The following PCSK5 variants were observed in gnomAD, a reference collection of about 807,000 sequenced individuals.
PCSK5 encodes the protein proprotein convertase subtilisin/kexin type 5.
A neutral mutation model predicts 233.2 loss-of-function variants in PCSK5; 129 were observed. That is an observed-to-expected ratio of 0.55 (90% CI 0.48 to 0.64). PCSK5 has a LOEUF of 0.64. Among genes scored for constraint, PCSK5 ranks in the 30% least tolerant of loss-of-function variants. The probability of loss-of-function intolerance (pLI) is 0.00; values close to 1 mark genes in which losing one functional copy is unlikely to be tolerated. For synonymous variants in PCSK5, 825 were observed against 879.2 expected, an observed-to-expected ratio of 0.94 and a Z score of 1.09; for missense variants, 2,076 against 2,430.1, an observed-to-expected ratio of 0.85 and a Z score of 3.06.
At position 76,351,628 on chromosome 9, in the gene PCSK5, AAGAG is replaced by A. The variant is rs1236227372; in HGVS notation, c.5067+706_5067+709del. On this transcript the variant is annotated intron_variant, in intron 36 of 37. Transcript: ENST00000674117. ...GAAGAAAGAAAAAGAAAGAGAAAGA[AAGAG>A]AGAGAAAGAAGAAAGAAAGAGAGAG... Among the ~76,000 whole-genome samples, 57 of 146,502 alleles carry A rather than the reference AAGAG, an allele frequency of 3.9e-4. 4 individuals carry two copies. Among genetic ancestry groups the A allele is most frequent in the Non-Finnish European group, 6.3e-4 (42 of 66,456 alleles).
intron 32 of PCSK5, among the ~76,000 whole-genome samples, chr9:76,327,619 C>T (rs1829403026): frequency 6.6e-6 from 1 of 152,058 alleles, no homozygotes; most frequent in African/African-American, 2.4e-5. Flanking sequence ...GCTCAAGGTA[C>T]TCCGGAGGTG....
At chr9:76,254,556 G>A (rs544425212) in intron 24 of PCSK5, among the ~76,000 whole-genome samples, 1 of 152,220 alleles carries the variant, frequency 6.6e-6, no homozygotes, top group South Asian at 2.1e-4. Flanking sequence ...GTCAAGAAGA[G>A]GACCAGTGGT....
At chr9:76,260,286 C>T (rs1327256224) in intron 24 of PCSK5, among the ~76,000 whole-genome samples, 1 of 152,118 alleles carries the variant, frequency 6.6e-6, no homozygotes, top group Non-Finnish European at 1.5e-5. Context: ...CAAAAGATGT[C>T]CATGCTCAAA....
intron 20 of PCSK5, among the ~76,000 whole-genome samples, chr9:76,224,739 T>G (rs1434647425): frequency 2.0e-5 from 3 of 152,142 alleles, no homozygotes; most frequent in African/African-American, 7.2e-5. Context: ...CCATTATAGT[T>G]GAGTAGATTG....
intron 10 of PCSK5, among the ~76,000 whole-genome samples, chr9:76,150,057 C>T (rs1823602977): frequency 6.6e-6 from 1 of 152,030 alleles, no homozygotes; most frequent in African/African-American, 2.4e-5. Context: ...CATTATATTC[C>T]TATATGTGTA....
chr9:76,307,950 C>A (rs1422336490), intron 28 of PCSK5, among the ~76,000 whole-genome samples: 1 of 152,066 alleles, frequency 6.6e-6, no homozygotes, highest in African/African-American at 2.4e-5. Context: ...GTAATCCCAG[C>A]AGTTTGGGAG....
intron 2 of PCSK5, among the ~76,000 whole-genome samples, chr9:75,974,236 T>C (rs1002141243): frequency 2.0e-5 from 3 of 152,120 alleles, no homozygotes; most frequent in Non-Finnish European, 4.4e-5. Context: ...ACCGCTCGCC[T>C]TCCCGTAGGG....
intron 2 of PCSK5, among the ~76,000 whole-genome samples, chr9:75,941,591 T>G (rs1824307641): frequency 6.6e-6 from 1 of 152,136 alleles, no homozygotes; most frequent in African/African-American, 2.4e-5. Flanking sequence ...TTTTGCCATG[T>G]TTTCACCAGC....
intron 5 of PCSK5, among the ~76,000 whole-genome samples, chr9:76,041,149 T>C (rs1307336947): frequency 6.6e-6 from 1 of 152,224 alleles, no homozygotes; most frequent in East Asian, 1.9e-4. Flanking sequence ...CGTGGTAGAA[T>C]TTCTCTTAGA....
intron 8 of PCSK5, among the ~76,000 whole-genome samples, chr9:76,104,071 A>T (rs898622190): frequency 3.9e-5 from 6 of 152,144 alleles, no homozygotes; most frequent in African/African-American, 1.4e-4. Context: ...GGGATATTCC[A>T]TGTGGTTCCA....
At position 76,295,427 on chromosome 9, in the gene PCSK5, G is replaced by A; in HGVS notation, c.3322+16G>A. The A allele has an allele frequency of 6.2e-7, 1 of 1,610,654 alleles. No individual in the cohort carries two copies. Among genetic ancestry groups the A allele is most frequent in the South Asian group, 1.1e-5 (1 of 90,716 alleles). On this transcript the variant is annotated intron_variant, in intron 26 of 37. Coordinates refer to ENST00000674117, the MANE Select transcript of PCSK5 (RefSeq NM_001372043.1). Reference sequence around the variant, plus strand: ...TTTCTCTTAGGTAAGTTAGAAAATGGCACCATCCAAGCTAAGAACCAGGCA... The same window carrying A: ...TTTCTCTTAGGTAAGTTAGAAAATGACACCATCCAAGCTAAGAACCAGGCA...
intron 13 of PCSK5, 49 bp from the exon 14 acceptor site, chr9:76,174,937 T>G: frequency 6.5e-7 from 1 of 1,547,116 alleles, no homozygotes; most frequent in Middle Eastern, 1.7e-4. Flanking sequence ...GTTACAGAGC[T>G]AAAGAGGGAA....
At chr9:76,050,793 A>G (rs1366396866) in intron 5 of PCSK5, among the ~76,000 whole-genome samples, 1 of 152,216 alleles carries the variant, frequency 6.6e-6, no homozygotes, top group African/African-American at 2.4e-5. Flanking sequence ...TAATTATTCT[A>G]TCCTTCTAGG....
chr9:76,152,485 C>T (rs553586107), intron 10 of PCSK5, among the ~76,000 whole-genome samples: 3 of 152,062 alleles, frequency 2.0e-5, no homozygotes, highest in East Asian at 1.9e-4. Flanking sequence ...ATTTGTTTGC[C>T]CTATTTTATT....
At chr9:75,992,900 C>A (rs193093090) in intron 3 of PCSK5, among the ~76,000 whole-genome samples, 1 of 152,122 alleles carries the variant, frequency 6.6e-6, no homozygotes, top group East Asian at 1.9e-4. Context: ...TAGCTGAGTT[C>A]GGTTATGCGT....
chr9:76,026,901 T>C, intron 4 of PCSK5, 60 bp from the exon 5 acceptor site: 1 of 1,106,086 alleles, frequency 9.0e-7, no homozygotes, highest in South Asian at 1.3e-5. Context: ...AGCCTGTGGG[T>C]CATTGGCTAA....
rs908477118 is a variant in PCSK5 at position 75,967,009 on chromosome 9, G to C, written c.298-19123G>C. 3.3e-5 allele frequency among the ~76,000 whole-genome samples: 5 copies of C among 152,250 alleles called. No homozygotes were observed. In the East Asian group the frequency reaches 7.7e-4, roughly 23 times the overall value. ...TAGCCTTAGGAAATAGTCTTCAAGG[G>C]GGGAAGGAGGTAATCCATTTCCTCT... On this transcript the variant is annotated intron_variant, in intron 2 of 37. Transcript: ENST00000674117.
At chr9:75,929,907 G>T (rs1823701251) in intron 1 of PCSK5, among the ~76,000 whole-genome samples, 1 of 150,426 alleles carries the variant, frequency 6.6e-6, no homozygotes, top group Non-Finnish European at 1.5e-5. Flanking sequence ...CTGTTGCCCA[G>T]GCTGGAGTAC....
intron 2 of PCSK5, among the ~76,000 whole-genome samples, chr9:75,944,837 C>T (rs924220067): frequency 2.6e-5 from 4 of 152,088 alleles, no homozygotes; most frequent in African/African-American, 7.2e-5. Context: ...TGTCCAGGCG[C>T]GGTGGCTCAC....
Sources: gnomAD v4.1 joint callset for allele counts (sites outside exome capture counted in the v4.1 genomes callset) on GRCh38, gnomAD v4.1.1 for gene constraint, MANE v1.5 for transcripts, NCBI Gene and HGNC (gene_info 2026-07-23, HGNC 2026-07-21) for gene names.